COPS8: variants seen among roughly 807,000 people sequenced by gnomAD.
COPS8 encodes COP9 signalosome complex subunit 8.
Under a neutral mutation model 31.5 loss-of-function variants are expected in COPS8, and 11 were observed. The ratio of observed to expected loss-of-function variants is 0.35; its 90% CI spans 0.22 to 0.58. The LOEUF (loss-of-function observed/expected upper bound fraction) is 0.58. Among genes scored for constraint, COPS8 ranks in the 20% least tolerant of loss-of-function variants. COPS8 has a pLI of 0.83. For synonymous variants in COPS8, 81 were observed against 89.3 expected (o/e 0.91, Z 0.52); for missense variants, 215 against 255.1 (o/e 0.84, Z 1.07).
chr2:237,094,060 C>T (rs1371957016), intron 4 of COPS8, 30 bp from the exon 5 acceptor site: 1 of 1,607,526 alleles, frequency 6.2e-7, no homozygotes, highest in African/African-American at 1.3e-5. Context: ...CCCTGGTTCA[C>T]TCTCTGCCAA....
intron 5 of COPS8, among the ~76,000 whole-genome samples, chr2:237,094,990 C>T (rs1447242885): frequency 1.3e-5 from 2 of 152,020 alleles, no homozygotes; most frequent in South Asian, 2.1e-4. Flanking sequence ...ATATCGTATA[C>T]ACCTTGTTGC....
At position 237,097,794 on chromosome 2, in the gene COPS8, C is replaced by T. The variant is rs774191584; in HGVS notation, c.*52C>T. ...CTTCAGAATCCTGTATACTGACAAA[C>T]GTAGAAATGTAAAGTTTGTATTTTC... On this transcript the variant is annotated 3_prime_UTR_variant, in exon 8 of 8. Transcript: ENST00000354371. 71 of 1,330,706 alleles carry T rather than the reference C, an allele frequency of 5.3e-5. 1 individual carries two copies. In the Admixed American group the frequency reaches 7.2e-4, roughly 14 times the overall value. The allele number at this position is 1,330,706 out of a possible 1,614,324, so 82.4% of individuals were successfully genotyped here. A position where few individuals can be genotyped will look rare whatever the true frequency, so the allele number is the denominator to read the frequency against.
intron 4 of COPS8, among the ~76,000 whole-genome samples, chr2:237,091,868 T>C (rs1696710798): frequency 6.6e-6 from 1 of 152,190 alleles, no homozygotes. Flanking sequence ...GCATAGGAAG[T>C]GAATTCCCTG....
rs1161680035 is a variant in COPS8 at position 237,097,849 on chromosome 2, A to G, written c.*107A>G. Reference sequence around the variant, plus strand: ...TATTGGATGGCTTAAGCACCTCAGCATTCCTTACTATGTGATAAAATACAT... The same window carrying G: ...TATTGGATGGCTTAAGCACCTCAGCGTTCCTTACTATGTGATAAAATACAT... On this transcript the variant is annotated 3_prime_UTR_variant, in exon 8 of 8. Coordinates refer to ENST00000354371, the MANE Select transcript of COPS8 (RefSeq NM_006710.5). 1 of 701,794 alleles carries G rather than the reference A, an allele frequency of 1.4e-6. No individual in the cohort carries two copies. Among genetic ancestry groups the G allele is most frequent in the African/African-American group, 1.8e-5 (1 of 55,616 alleles). 43.5% of individuals were successfully genotyped at this position (701,794 alleles called of 1,614,324 possible).
chr2:237,096,790 A>G (rs1696808514), intron 6 of COPS8, 32 bp from the exon 7 acceptor site: 1 of 1,575,342 alleles, frequency 6.3e-7, no homozygotes, highest in Admixed American at 1.7e-5. Context: ...GACTTCTGTA[A>G]ATTGAGCTGT....
At chr2:237,097,223 T>C (rs988664069) in intron 7 of COPS8, among the ~76,000 whole-genome samples, 65 of 147,432 alleles carry the variant, frequency 4.4e-4, no homozygotes, top group African/African-American at 1.6e-3. Flanking sequence ...TTGTGGGTTT[T>C]CTTTTTTTTT....
chr2:237,097,566 G>C, intron 7 of COPS8, 97 bp from the exon 8 acceptor site: 1 of 756,114 alleles, frequency 1.3e-6, no homozygotes. Flanking sequence ...TTAACTTACT[G>C]TTAAAAATTG....
intron 1 of COPS8, among the ~76,000 whole-genome samples, chr2:237,086,333 C>G (rs1489228537): frequency 6.6e-6 from 1 of 152,166 alleles, no homozygotes; most frequent in African/African-American, 2.4e-5. Context: ...GGCATCTTTC[C>G]TTCCCAGTAT....
rs765076226 is a variant in COPS8 at position 237,085,952 on chromosome 2, G to T, written c.-13G>T. The T allele has an allele frequency of 4.3e-6, 7 of 1,611,588 alleles. No homozygotes were observed. The South Asian group carries it at 6.6e-5, about 15-fold the overall frequency. ...GCTGTCCGGACGGTGCAGCGGCGAG[G>T]CCGGCCGCGAAGATGCCAGTGGCGG... On this transcript the variant is annotated 5_prime_UTR_variant, in exon 1 of 8. Transcript: ENST00000354371.
intron 4 of COPS8, among the ~76,000 whole-genome samples, chr2:237,091,000 C>T (rs143417588): frequency 5.3e-4 from 80 of 152,272 alleles, no homozygotes; most frequent in African/African-American, 1.9e-3. Context: ...AGTGGACTTC[C>T]ATAGTATCCT....
At chr2:237,095,989 T>C in intron 6 of COPS8, 105 bp downstream of exon 6, 1 of 752,686 alleles carries the variant, frequency 1.3e-6, no homozygotes, top group East Asian at 2.6e-5. Context: ...TCGGCTATAC[T>C]AACACAATGG....
rs1207692125 is a variant in COPS8 at position 237,094,100 on chromosome 2, G to T, written c.342G>T (p.Arg114Ser). The T allele has an allele frequency of 3.1e-6, 5 of 1,613,306 alleles. No individual in the cohort carries two copies. Among genetic ancestry groups the T allele is most frequent in the South Asian group, 1.1e-5 (1 of 90,906 alleles). Residue 114 changes from arginine (R) to serine (S), a missense_variant, in exon 5 of 8, where the codon AGG becomes AGT. Arg to Ser is a moderately radical substitution (Grantham distance 110, BLOSUM62 -1). Coordinates refer to ENST00000354371, the MANE Select transcript of COPS8 (RefSeq NM_006710.5). ...PIMEALRDAT[R>S]RRAFALVSQA... ...CCACTCCCACAATAGATGCAACAAG[G>T]AGACGCGCCTTTGCCCTGGTCTCTC...
Position 237,100,038 on chromosome 2 carries a change from T to C in COPS8, c.*2296T>C, listed in dbSNP as rs1007032228. The C allele has an allele frequency of 6.6e-6, 1 of 152,160 alleles. No individual in the cohort carries two copies. Among genetic ancestry groups the C allele is most frequent in the Non-Finnish European group, 1.5e-5 (1 of 68,044 alleles). 9.4% of individuals were successfully genotyped at this position (152,160 alleles called of 1,614,324 possible). ...CTTTATTATCAGTTCTCAGGACAAA[T>C]TGATATGCTGCCAATCTCTAAAGCA... On this transcript the variant is annotated 3_prime_UTR_variant, in exon 8 of 8. Coordinates refer to ENST00000354371, the MANE Select transcript of COPS8 (RefSeq NM_006710.5).
chr2:237,089,301 C>T (rs533260759), intron 3 of COPS8, among the ~76,000 whole-genome samples: 39 of 150,700 alleles, frequency 2.6e-4, no homozygotes, highest in African/African-American at 9.5e-4. Flanking sequence ...CTTTTTTTTT[C>T]CCTCATACAT....
intron 1 of COPS8, among the ~76,000 whole-genome samples, chr2:237,086,557 A>G (rs1489105585): frequency 1.3e-5 from 2 of 152,190 alleles, no homozygotes. Context: ...GTTAAAGTTA[A>G]TGTTTTTCTT....
chr2:237,091,414 C>T (rs1364385820), intron 4 of COPS8, among the ~76,000 whole-genome samples: 1 of 152,120 alleles, frequency 6.6e-6, no homozygotes, highest in African/African-American at 2.4e-5. Context: ...TAAACATGTA[C>T]CTTATTCTAA....
intron 3 of COPS8, among the ~76,000 whole-genome samples, chr2:237,089,182 C>CT (rs1696666702): frequency 6.6e-6 from 1 of 152,070 alleles, no homozygotes; most frequent in Non-Finnish European, 1.5e-5. Flanking sequence ...TTCCATGTGT[C>CT]TAACATGAGT....
intron 7 of COPS8, among the ~76,000 whole-genome samples, chr2:237,097,371 G>A (rs995656232): frequency 9.2e-5 from 14 of 151,916 alleles, no homozygotes; most frequent in African/African-American, 3.4e-4. Flanking sequence ...AAGACATGTT[G>A]CATGATAAAA....
intron 4 of COPS8, among the ~76,000 whole-genome samples, chr2:237,093,048 A>G (rs567657470): frequency 3.3e-5 from 5 of 152,324 alleles, no homozygotes; most frequent in African/African-American, 4.8e-5. Flanking sequence ...AGTGTAAACA[A>G]TACTGCTGAG....
Sources: gnomAD v4.1 joint callset for allele counts (sites outside exome capture counted in the v4.1 genomes callset) on GRCh38, gnomAD v4.1.1 for gene constraint, MANE v1.5 for transcripts, NCBI Gene and HGNC (gene_info 2026-07-23, HGNC 2026-07-21) for gene names.